The following GAB2 variants were observed in gnomAD, a reference collection of about 807,000 sequenced individuals.
The protein encoded by GAB2 is GRB2-associated-binding protein 2.
In GAB2, 26 loss-of-function variants were observed where a neutral mutation model predicts 65.5. That is an observed-to-expected ratio of 0.40 (90% CI 0.29 to 0.55). The LOEUF is 0.55. Ranked by LOEUF, GAB2 falls within the 20% of genes least tolerant of loss-of-function variation. GAB2 has a pLI of 0.53. For synonymous variants in GAB2, 321 were observed against 329.6 expected (o/e 0.97, Z 0.28); for missense variants, 884 against 875.8 (o/e 1.01, Z -0.12).
chr11:78,292,614 A>T (rs1195364356), intron 1 of GAB2, among the ~76,000 whole-genome samples: 1 of 152,252 alleles, frequency 6.6e-6, no homozygotes, highest in Non-Finnish European at 1.5e-5. Context: ...CTACTATGCC[A>T]GTCTCGTGTC....
At chr11:78,406,927 G>A (rs965425574) in intron 1 of GAB2, among the ~76,000 whole-genome samples, 7 of 151,574 alleles carry the variant, frequency 4.6e-5, no homozygotes, top group Non-Finnish European at 8.8e-5. Context: ...TGGAATTTTA[G>A]AACTGAAAAA....
At chr11:78,416,634 TGA>T (rs1375657321) in intron 1 of GAB2, among the ~76,000 whole-genome samples, 6 of 152,112 alleles carry the variant, frequency 3.9e-5, no homozygotes, top group Non-Finnish European at 2.9e-5. Flanking sequence ...AGGGAGCAGA[TGA>T]GAGACCTTGA....
intron 2 of GAB2, among the ~76,000 whole-genome samples, chr11:78,269,819 T>C (rs1328418612): frequency 6.6e-6 from 1 of 152,258 alleles, no homozygotes; most frequent in Non-Finnish European, 1.5e-5. Context: ...TTGGGAATTC[T>C]TTATTCCATA....
Position 78,370,712 on chromosome 11 carries a change from C to CCTGTGTGTAT in GAB2, c.75+46933_75+46934insATACACACAG, listed in dbSNP as rs58668713. ...ACTACTAATATTGTATGTGTGTGTG[C>CCTGTGTGTAT]GTGTGTGTGTGTATGTGTGTGTGTG... On this transcript the variant is annotated intron_variant, in intron 1 of 9. Transcript: ENST00000361507. Among the ~76,000 whole-genome samples the CCTGTGTGTAT allele has an allele frequency of 3.2e-3, 394 of 123,302 alleles. 7 individuals are homozygous for CCTGTGTGTAT. Among genetic ancestry groups the CCTGTGTGTAT allele is most frequent in the Middle Eastern group, 0.028 (6 of 212 alleles). 80.9% of individuals were successfully genotyped at this position (123,302 alleles called of 152,430 possible).
At chr11:78,266,214 C>CTA (rs71473374) in intron 2 of GAB2, among the ~76,000 whole-genome samples, 1 of 65,040 alleles carries the variant, frequency 1.5e-5, no homozygotes, top group African/African-American at 6.1e-5. Context: ...GACTCCATCT[C>CTA]AAAAAAAAAA....
chr11:78,226,421 T>C (rs1201066185), intron 4 of GAB2, 44 bp downstream of exon 4: 1 of 1,470,430 alleles, frequency 6.8e-7, no homozygotes, highest in Non-Finnish European at 9.5e-7. Context: ...AACCCCTGTG[T>C]TACCTCCTCC....
At chr11:78,250,487 T>G (rs951532965) in intron 2 of GAB2, 87 bp from the exon 3 acceptor site, 26 of 1,217,824 alleles carry the variant, frequency 2.1e-5, no homozygotes, top group Non-Finnish European at 3.0e-5. Flanking sequence ...GAAAAAAGAG[T>G]AAGAGCAGAG....
At chr11:78,308,645 G>T (rs1435432926) in intron 1 of GAB2, among the ~76,000 whole-genome samples, 2 of 152,138 alleles carry the variant, frequency 1.3e-5, no homozygotes, top group Non-Finnish European at 2.9e-5. Context: ...GATTTCAAAA[G>T]TTCAAAAATA....
chr11:78,317,324 G>A (rs570919038), intron 1 of GAB2, among the ~76,000 whole-genome samples: 235 of 152,274 alleles, frequency 1.5e-3, no homozygotes, highest in Non-Finnish European at 2.5e-3. Flanking sequence ...AGCACTTTGG[G>A]AGCCAAGGTG....
intron 1 of GAB2, among the ~76,000 whole-genome samples, chr11:78,404,563 A>C (rs1020942851): frequency 7.9e-5 from 12 of 152,234 alleles, no homozygotes; most frequent in African/African-American, 2.9e-4. Flanking sequence ...ATAACAATGG[A>C]ATACTATTCG....
intron 3 of GAB2, among the ~76,000 whole-genome samples, chr11:78,229,101 G>C (rs1864765730): frequency 6.6e-6 from 1 of 152,162 alleles, no homozygotes; most frequent in Non-Finnish European, 1.5e-5. Context: ...GTCAAGTAGG[G>C]GTGAGTATGT....
At chr11:78,403,001 CT>C (rs1856994335) in intron 1 of GAB2, among the ~76,000 whole-genome samples, 1 of 152,220 alleles carries the variant, frequency 6.6e-6, no homozygotes, top group African/African-American at 2.4e-5. Context: ...TGAGGAGCTT[CT>C]TTCCCTCTTC....
intron 1 of GAB2, among the ~76,000 whole-genome samples, chr11:78,303,112 G>A (rs1420464474): frequency 6.6e-6 from 1 of 152,160 alleles, no homozygotes; most frequent in Admixed American, 6.5e-5. Flanking sequence ...CTCGGGTGAT[G>A]AGTGCACCAA....
chr11:78,346,722 A>ATATATTTT lies in GAB2; in HGVS notation c.76-65822_76-65821insAAAATATA, dbSNP rs1565168352. Among the ~76,000 whole-genome samples, 15 of 30,780 alleles carry ATATATTTT rather than the reference A, an allele frequency of 4.9e-4. 1 individual carries two copies. Among genetic ancestry groups the ATATATTTT allele is most frequent in the Non-Finnish European group, 4.0e-4 (7 of 17,490 alleles). 20.2% of individuals were successfully genotyped at this position (30,780 alleles called of 152,430 possible). On this transcript the variant is annotated intron_variant, in intron 1 of 9. Transcript: ENST00000361507. ...ATATATATATATATATATATATATA[A>ATATATTTT]TTTTTTTTTTTTTTAGGAAAAGAAA...
intron 2 of GAB2, among the ~76,000 whole-genome samples, chr11:78,257,018 T>C (rs1286070957): frequency 6.6e-6 from 1 of 152,134 alleles, no homozygotes; most frequent in Non-Finnish European, 1.5e-5. Context: ...AGTTTTTTTT[T>C]TTCTTCTTCC....
chr11:78,340,734 A>G (rs145654920), intron 1 of GAB2, among the ~76,000 whole-genome samples: 14 of 152,322 alleles, frequency 9.2e-5, no homozygotes, highest in Admixed American at 6.5e-4. Context: ...TACCACCATG[A>G]TAAGTACTTA....
intron 1 of GAB2, among the ~76,000 whole-genome samples, chr11:78,406,806 T>G (rs1000288036): frequency 1.3e-5 from 2 of 151,772 alleles, no homozygotes; most frequent in African/African-American, 4.8e-5. Context: ...TTTTAAAGAG[T>G]CATCATAAAA....
At chr11:78,240,875 C>A (rs1267535609) in intron 3 of GAB2, among the ~76,000 whole-genome samples, 2 of 152,204 alleles carry the variant, frequency 1.3e-5, no homozygotes, top group Non-Finnish European at 2.9e-5. Flanking sequence ...CAGTCCACAT[C>A]CAACCATGCT....
intron 1 of GAB2, among the ~76,000 whole-genome samples, chr11:78,309,955 TGTGTGTGTGTGTGTGTGC>T (rs1855456362): frequency 2.1e-5 from 3 of 141,732 alleles, no homozygotes; most frequent in African/African-American, 9.2e-5. Context: ...TGTGTGTGTG[TGTGTGTGTGTGTGTGTGC>T]GCGCGCGCCT....
Sources: gnomAD v4.1 joint callset for allele counts (sites outside exome capture counted in the v4.1 genomes callset) on GRCh38, gnomAD v4.1.1 for gene constraint, MANE v1.5 for transcripts, NCBI Gene and HGNC (gene_info 2026-07-23, HGNC 2026-07-21) for gene names.